Variants in MCU observed in about 807,000 individuals in gnomAD.
The protein encoded by MCU is calcium uniporter protein, mitochondrial.
In MCU, 12 loss-of-function variants were observed where a neutral mutation model predicts 45.2. That is an observed-to-expected ratio of 0.27 (90% CI 0.17 to 0.43). The LOEUF is 0.43. Ranked by LOEUF, MCU falls within the 20% of genes least tolerant of loss-of-function variation. The pLI, the probability that MCU is intolerant of heterozygous loss-of-function variation, is 1.00. For synonymous variants in MCU, 160 were observed against 165.1 expected, an observed-to-expected ratio of 0.97 and a Z score of 0.24; for missense variants, 324 against 436.7, an observed-to-expected ratio of 0.74 and a Z score of 2.30.
At chr10:72,711,069 C>T (rs1042848040) in intron 1 of MCU, among the ~76,000 whole-genome samples, 2 of 151,734 alleles carry the variant, frequency 1.3e-5, no homozygotes, top group Admixed American at 6.6e-5. Flanking sequence ...ATCCCAGCTA[C>T]TTGGGAGGCT....
Position 72,859,334 on chromosome 10 carries a change from T to C in MCU, c.378T>C (p.Ala126=). The C allele has an allele frequency of 6.2e-7, 1 of 1,611,584 alleles. No homozygotes were observed. Among genetic ancestry groups the C allele is most frequent in the Non-Finnish European group, 8.5e-7 (1 of 1,178,950 alleles). ...AGGATCGGGGAATTGACAGAGTTGC[T>C]ATCTATTCACCAGGTATAGTCACCA... ...QEEDRGIDRV[A]IYSPDGVRVA... The change falls in exon 3 of 8, where the codon GCT becomes GCC. Residue 126 remains alanine (A), a synonymous_variant. Coordinates refer to ENST00000373053, the MANE Select transcript of MCU (RefSeq NM_138357.3).
chr10:72,873,361 T>G (rs1845575483), intron 6 of MCU, among the ~76,000 whole-genome samples: 1 of 152,194 alleles, frequency 6.6e-6, no homozygotes, highest in Admixed American at 6.5e-5. Flanking sequence ...TTAGTGACTC[T>G]GAGCATTTCC....
In MCU at chr10:72,779,124, C is replaced by A. The variant is rs548046226; in HGVS notation, c.151-55235C>A. 8.1e-4 allele frequency among the ~76,000 whole-genome samples: 124 copies of A among 152,238 alleles called. 2 individuals are homozygous for A. The highest frequency in any genetic ancestry group is 2.6e-4 in the Non-Finnish European group (18 of 68,000). ...AGCTGGGACTACAGGCACGTGCCAC[C>A]ATGCCCAGCTAATTTTTGTATTTAT... On this transcript the variant is annotated intron_variant, in intron 1 of 7. Transcript: ENST00000373053.
chr10:72,839,157 T>G (rs928631611), intron 2 of MCU, among the ~76,000 whole-genome samples: 34 of 152,008 alleles, frequency 2.2e-4, no homozygotes, highest in African/African-American at 8.2e-4. Flanking sequence ...GCCCGACTGA[T>G]TTTTGTATTT....
At chr10:72,711,712 T>C (rs1002950629) in intron 1 of MCU, among the ~76,000 whole-genome samples, 4 of 143,178 alleles carry the variant, frequency 2.8e-5, no homozygotes, top group East Asian at 2.0e-4. Flanking sequence ...GTGTTTCTTT[T>C]TTTTTTTTTT....
At chr10:72,716,865 C>A (rs531583481) in intron 1 of MCU, among the ~76,000 whole-genome samples, 1 of 152,096 alleles carries the variant, frequency 6.6e-6, no homozygotes, top group East Asian at 1.9e-4. Flanking sequence ...AGAGCAAGAC[C>A]CTGTTTCTTA....
At chr10:72,702,986 GAAA>G (rs111630078) in intron 1 of MCU, among the ~76,000 whole-genome samples, 1 of 80,644 alleles carries the variant, frequency 1.2e-5, no homozygotes, top group African/African-American at 3.3e-5. Context: ...CTCAAAAAAA[GAAA>G]AAAAAAAAAA....
intron 6 of MCU, among the ~76,000 whole-genome samples, chr10:72,879,351 G>A (rs1183381357): frequency 6.6e-6 from 1 of 152,170 alleles, no homozygotes; most frequent in Non-Finnish European, 1.5e-5. Flanking sequence ...AATCTTAAAA[G>A]CAGCCAAAGA....
chr10:72,725,218 C>A (rs958536469), intron 1 of MCU, among the ~76,000 whole-genome samples: 1 of 151,450 alleles, frequency 6.6e-6, no homozygotes, highest in Non-Finnish European at 1.5e-5. Context: ...CTCCACCTCC[C>A]GGGTTCCCGC....
intron 1 of MCU, among the ~76,000 whole-genome samples, chr10:72,799,425 C>T (rs1003452915): frequency 3.9e-5 from 6 of 152,148 alleles, no homozygotes; most frequent in Admixed American, 3.3e-4. Context: ...TTCCAGCCTT[C>T]ACAAAGCTGT....
chr10:72,844,910 C>G (rs1470434857), intron 2 of MCU, among the ~76,000 whole-genome samples: 1 of 152,022 alleles, frequency 6.6e-6, no homozygotes, highest in Non-Finnish European at 1.5e-5. Context: ...AATTTATAAA[C>G]TCAATGCAAT....
chr10:72,718,934 T>G (rs1242408678), intron 1 of MCU, among the ~76,000 whole-genome samples: 1 of 152,140 alleles, frequency 6.6e-6, no homozygotes, highest in Non-Finnish European at 1.5e-5. Context: ...AACTAATCAA[T>G]AGTGTCAGAA....
At chr10:72,692,809 C>T in intron 1 of MCU, 11 of 1,417,012 alleles carry the variant, frequency 7.8e-6, no homozygotes, top group Non-Finnish European at 9.2e-6. Flanking sequence ...GGCGGGGCCG[C>T]CCCTCGTCCT....
chr10:72,849,114 A>G (rs1325210889), intron 2 of MCU, among the ~76,000 whole-genome samples: 1 of 151,920 alleles, frequency 6.6e-6, no homozygotes, highest in Non-Finnish European at 1.5e-5. Context: ...CCATGTCTCT[A>G]CTAAAAATAC....
chr10:72,759,137 G>A (rs991302536), intron 1 of MCU, among the ~76,000 whole-genome samples: 32 of 152,270 alleles, frequency 2.1e-4, no homozygotes, highest in African/African-American at 7.7e-4. Context: ...ACTTAAAGAG[G>A]GAAGGGGTTT....
chr10:72,874,695 G>A (rs888589708), intron 6 of MCU, among the ~76,000 whole-genome samples: 2 of 152,170 alleles, frequency 1.3e-5, no homozygotes, highest in South Asian at 4.1e-4. Context: ...CACTGTGAAC[G>A]AACTGAACAG....
chr10:72,856,404 C>G (rs1015749610), intron 2 of MCU, among the ~76,000 whole-genome samples: 3 of 152,162 alleles, frequency 2.0e-5, no homozygotes, highest in Middle Eastern at 3.4e-3. Context: ...AAATTCAAAT[C>G]ATGAAAGATT....
At chr10:72,843,378 C>T (rs554531941) in intron 2 of MCU, among the ~76,000 whole-genome samples, 51 of 152,300 alleles carry the variant, frequency 3.3e-4, no homozygotes, top group African/African-American at 1.1e-3. Context: ...TTACCTTTTC[C>T]AGAATGTCTT....
intron 1 of MCU, among the ~76,000 whole-genome samples, chr10:72,695,414 CTTA>C (rs1207080716): frequency 1.3e-5 from 2 of 152,234 alleles, no homozygotes; most frequent in Non-Finnish European, 2.9e-5. Flanking sequence ...CTGGCCCAAT[CTTA>C]TTATGCCAGA....
Sources: gnomAD v4.1 joint callset for allele counts (sites outside exome capture counted in the v4.1 genomes callset) on GRCh38, gnomAD v4.1.1 for gene constraint, MANE v1.5 for transcripts, NCBI Gene and HGNC (gene_info 2026-07-23, HGNC 2026-07-21) for gene names.